MAPRE1: variants seen among roughly 807,000 people sequenced by gnomAD.
MAPRE1 encodes microtubule associated protein RP/EB family member 1, also known as microtubule-associated protein RP/EB family member 1.
MAPRE1 carries 5 observed loss-of-function variants against 32.1 expected under a neutral mutation model. That is an observed-to-expected ratio of 0.16 (90% CI 0.08 to 0.33). The LOEUF (loss-of-function observed/expected upper bound fraction) is 0.33. MAPRE1 is among the 10% of genes least tolerant of loss of function. The pLI, the probability that MAPRE1 is intolerant of heterozygous loss-of-function variation, is 1.00. For missense variants in MAPRE1, 209 were observed against 327.2 expected, an observed-to-expected ratio of 0.64 and a Z score of 2.79; for synonymous variants, 122 against 118.9, an observed-to-expected ratio of 1.03 and a Z score of -0.17.
intron 1 of MAPRE1, among the ~76,000 whole-genome samples, chr20:32,821,213 C>T (rs922290238): frequency 6.6e-6 from 1 of 152,192 alleles, no homozygotes; most frequent in African/African-American, 2.4e-5. Flanking sequence ...GACGAGGTTT[C>T]GCCATGTTGG....
Position 32,849,928 on chromosome 20 carries a change from T to TA in MAPRE1, c.*1201dup, listed in dbSNP as rs1442570832. The TA allele has an allele frequency of 7.2e-5, 11 of 152,640 alleles. No homozygotes were observed. The highest frequency in any genetic ancestry group is 2.7e-4 in the African/African-American group (11 of 41,454). 9.5% of individuals were successfully genotyped at this position (152,640 alleles called of 1,614,324 possible). On this transcript the variant is annotated 3_prime_UTR_variant, in exon 7 of 7. Transcript: ENST00000375571. ...AATGTTAATTTTCTTTTGCGGAAAA[T>TA]ACAGTACCGTGTCTGAATTAATTAT...
chr20:32,846,163 A>G (rs55703537), intron 5 of MAPRE1, among the ~76,000 whole-genome samples: 6,869 of 152,228 alleles, frequency 0.045, 184 homozygotes, highest in East Asian at 0.075. Flanking sequence ...AGTGGGGCTC[A>G]TGGAGGGTCA....
chr20:32,838,075 G>A (rs1354867463), intron 4 of MAPRE1, among the ~76,000 whole-genome samples: 2 of 152,044 alleles, frequency 1.3e-5, no homozygotes, highest in Admixed American at 6.6e-5. Flanking sequence ...AGAGACAGAC[G>A]CTGTCTCAAG....
chr20:32,826,629 C>T (rs1037468778), intron 2 of MAPRE1, among the ~76,000 whole-genome samples: 6 of 143,806 alleles, frequency 4.2e-5, no homozygotes, highest in South Asian at 2.3e-4. Flanking sequence ...CGGGTTCAAG[C>T]GATTCTCCTA....
rs748610047 is a variant in MAPRE1, at chr20:32,845,145, A to G, written c.598-1473A>G. ...AGCCTTGAACTCCTGGGCTCAGACA[A>G]TGTTCCTGCTTCAGCCTCTTAAGTA... On this transcript the variant is annotated intron_variant, in intron 5 of 6. Coordinates refer to ENST00000375571, the MANE Select transcript of MAPRE1 (RefSeq NM_012325.3). Among the ~76,000 whole-genome samples the G allele has an allele frequency of 1.1e-4, 17 of 152,298 alleles. No individual in the cohort carries two copies. In the East Asian group the frequency reaches 1.2e-3, roughly 10 times the overall value.
At chr20:32,841,875 C>G (rs1983373465) in intron 5 of MAPRE1, among the ~76,000 whole-genome samples, 1 of 152,084 alleles carries the variant, frequency 6.6e-6, no homozygotes, top group Non-Finnish European at 1.5e-5. Flanking sequence ...TGTTAAGTGC[C>G]TGGAATGGTG....
intron 4 of MAPRE1, among the ~76,000 whole-genome samples, chr20:32,838,566 C>A (rs993654888): frequency 6.6e-6 from 1 of 152,202 alleles, no homozygotes; most frequent in Non-Finnish European, 1.5e-5. Flanking sequence ...CTGTATTTAA[C>A]CTTTTGCAGA....
At chr20:32,845,170 A>G (rs1406580728) in intron 5 of MAPRE1, among the ~76,000 whole-genome samples, 1 of 152,044 alleles carries the variant, frequency 6.6e-6, no homozygotes, top group Non-Finnish European at 1.5e-5. Flanking sequence ...CCTCTTAAGT[A>G]TCTGGTACTA....
Position 32,839,752 on chromosome 20 carries a change from T to A in MAPRE1, c.493T>A (p.Ser165Thr). ...TTTTTCAGCTCCCCAGAGGCCCATC[T>A]CAACACAGAGAACCGCTGCGGCTCC... ...SSSAAPQRPI[S>T]TQRTAAAPKA... The change falls in exon 5 of 7, where the codon TCA (serine) becomes ACA (threonine). Residue 165 changes from serine to threonine, a missense_variant. By Grantham distance (58) the Ser-to-Thr change is moderately conservative. Coordinates refer to ENST00000375571, the MANE Select transcript of MAPRE1 (RefSeq NM_012325.3). The A allele has an allele frequency of 6.2e-7, 1 of 1,614,152 alleles. No individual in the cohort carries two copies. The highest frequency in any genetic ancestry group is 8.5e-7 in the Non-Finnish European group (1 of 1,180,026).
At chr20:32,847,602 C>G (rs368743676) in intron 6 of MAPRE1, among the ~76,000 whole-genome samples, 10 of 152,258 alleles carry the variant, frequency 6.6e-5, no homozygotes, top group African/African-American at 2.2e-4. Context: ...TAATTTAGAG[C>G]TTGCTCTGTG....
At chr20:32,844,439 C>CTTTTTTTTTTTTTGTTTTTT (rs1983447534) in intron 5 of MAPRE1, among the ~76,000 whole-genome samples, 1 of 52,030 alleles carries the variant, frequency 1.9e-5, no homozygotes, top group Non-Finnish European at 3.3e-5. Context: ...GCTAGCATTC[C>CTTTTTTTTTTTTTGTTTTTT]TTTTTTTTTT....
chr20:32,820,262 C>T (rs570004721), intron 1 of MAPRE1, among the ~76,000 whole-genome samples: 6 of 150,852 alleles, frequency 4.0e-5, no homozygotes, highest in African/African-American at 7.3e-5. Flanking sequence ...TGGGCTGCTG[C>T]TACGCGGGGT....
At chr20:32,832,807 C>CTTTTTTTT (rs35277682) in intron 2 of MAPRE1, among the ~76,000 whole-genome samples, 5 of 58,778 alleles carry the variant, frequency 8.5e-5, no homozygotes, top group Non-Finnish European at 1.5e-4. Context: ...CAGAGTTTCG[C>CTTTTTTTT]TTTTTTTTTT....
In MAPRE1 at chr20:32,846,613, T is replaced by G; in HGVS notation, c.598-5T>G. ...GCATCTCACCCTTTTTAATGTCTTGTGCAGGTCAACGTATTGAAACTTACT... is the reference window on the plus strand; with the variant it reads ...GCATCTCACCCTTTTTAATGTCTTGGGCAGGTCAACGTATTGAAACTTACT... On this transcript the variant is annotated splice_polypyrimidine_tract_variant and splice_region_variant and intron_variant, in intron 5 of 6. Coordinates refer to ENST00000375571, the MANE Select transcript of MAPRE1 (RefSeq NM_012325.3). 6.2e-7 allele frequency: 1 copy of G among 1,613,814 alleles called. No individual in the cohort carries two copies. The highest frequency in any genetic ancestry group is 8.5e-7 in the Non-Finnish European group (1 of 1,179,754).
intron 2 of MAPRE1, among the ~76,000 whole-genome samples, chr20:32,831,677 C>G (rs1983030840): frequency 1.3e-5 from 2 of 151,740 alleles, no homozygotes; most frequent in African/African-American, 4.8e-5. Context: ...GGACTACAGG[C>G]ATACGCCACC....
At chr20:32,839,440 C>T (rs1261519911) in intron 4 of MAPRE1, among the ~76,000 whole-genome samples, 2 of 152,258 alleles carry the variant, frequency 1.3e-5, no homozygotes, top group Admixed American at 6.5e-5. Flanking sequence ...GACTGTACCC[C>T]TTTCAGATGG....
At chr20:32,823,871 A>G (rs1982769872) in intron 1 of MAPRE1, among the ~76,000 whole-genome samples, 2 of 152,218 alleles carry the variant, frequency 1.3e-5, no homozygotes, top group South Asian at 4.1e-4. Flanking sequence ...CCTGGGTGAC[A>G]GAGTGACACC....
intron 2 of MAPRE1, among the ~76,000 whole-genome samples, chr20:32,831,516 G>A (rs1855025683): frequency 6.8e-6 from 1 of 146,922 alleles, no homozygotes; most frequent in African/African-American, 2.5e-5. Context: ...TCATTCATAA[G>A]TCATTGTCTC....
chr20:32,825,667 C>T (rs185999148), intron 1 of MAPRE1, among the ~76,000 whole-genome samples: 24 of 152,136 alleles, frequency 1.6e-4, no homozygotes, highest in African/African-American at 3.4e-4. Context: ...TGGTGGTACA[C>T]GCCTGTAATC....
Sources: allele counts gnomAD v4.1 joint callset (sites outside exome capture counted in the v4.1 genomes callset), GRCh38; gene constraint gnomAD v4.1.1; transcripts MANE v1.5; gene names NCBI Gene and HGNC (gene_info 2026-07-23, HGNC 2026-07-21).